The following TSPEAR variants were observed in gnomAD, a reference collection of about 807,000 sequenced individuals.
TSPEAR encodes thrombospondin type laminin G domain and EAR repeats.
Under a neutral mutation model 71.6 loss-of-function variants are expected in TSPEAR, and 69 were observed. The observed-to-expected ratio is 0.96, with a 90% CI of 0.79 to 1.18. The LOEUF is 1.18. Ranked by LOEUF, TSPEAR falls within the 50% of genes most tolerant of loss-of-function variation. The probability of loss-of-function intolerance (pLI) is 0.00; values close to 1 mark genes in which losing one functional copy is unlikely to be tolerated. For missense variants in TSPEAR, 971 were observed against 894.9 expected, an observed-to-expected ratio of 1.09 and a Z score of -1.09; for synonymous variants, 402 against 387.2, an observed-to-expected ratio of 1.04 and a Z score of -0.45.
At chr21:44,706,964 C>T (rs1160706274) in intron 1 of TSPEAR, among the ~76,000 whole-genome samples, 1 of 152,250 alleles carries the variant, frequency 6.6e-6, no homozygotes, top group African/African-American at 2.4e-5. Context: ...CCAACCCCTC[C>T]AAGGACAAAG....
At chr21:44,700,715 A>C (rs1885228627) in intron 1 of TSPEAR, among the ~76,000 whole-genome samples, 1 of 152,158 alleles carries the variant, frequency 6.6e-6, no homozygotes, top group Non-Finnish European at 1.5e-5. Flanking sequence ...CTTCCACCTA[A>C]AGGCATCCCA....
intron 9 of TSPEAR, chr21:44,519,094 T>C (rs1474729449): frequency 1.3e-5 from 2 of 156,406 alleles, no homozygotes; most frequent in Non-Finnish European, 2.8e-5. Context: ...AGTGGCGTGA[T>C]CTCGGCTCAC....
intron 10 of TSPEAR, among the ~76,000 whole-genome samples, chr21:44,505,879 A>C (rs1555911860): frequency 6.6e-6 from 1 of 152,032 alleles, no homozygotes; most frequent in African/African-American, 2.4e-5. Context: ...CGGGGTACAA[A>C]AGTCCACTTT....
rs781987601 is a variant in TSPEAR at position 44,531,093 on chromosome 21, C to T, written c.583G>A (p.Gly195Arg). ...VPFPATLSVKGARFFVGSRRR... is the reference protein window; with the variant it reads ...VPFPATLSVKRARFFVGSRRR... ...CGGCTGCCGACGAAGAATCGAGCTC[C>T]TTTCACTGACAGGGTGGCTGGGAAG... is the stretch of plus-strand genomic sequence containing the variant. The change falls in exon 4 of 12, where the codon GGA (glycine) becomes AGA (arginine). Residue 195 changes from glycine (G) to arginine (R), a missense_variant. Physicochemically the swap from Gly to Arg is moderately radical, Grantham distance 125. Transcript: ENST00000323084. The T allele has an allele frequency of 1.3e-4, 214 of 1,613,718 alleles. No individual in the cohort carries two copies. The highest frequency in any genetic ancestry group is 1.8e-4 in the Non-Finnish European group (209 of 1,179,994).
intron 1 of TSPEAR, among the ~76,000 whole-genome samples, chr21:44,572,535 A>AC (rs1411754018): frequency 4.0e-5 from 6 of 150,674 alleles, no homozygotes; most frequent in African/African-American, 1.2e-4. Context: ...TACCCTCGCC[A>AC]CCCCCCATGC....
At chr21:44,707,016 G>T (rs1987958835) in intron 1 of TSPEAR, among the ~76,000 whole-genome samples, 1 of 152,250 alleles carries the variant, frequency 6.6e-6, no homozygotes, top group Admixed American at 6.5e-5. Context: ...CCCCTGCCCG[G>T]CTTTCCTAGC....
At chr21:44,675,959 C>G in intron 1 of TSPEAR, 1 of 821,286 alleles carries the variant, frequency 1.2e-6, no homozygotes, top group Non-Finnish European at 2.2e-6. Context: ...TAGGGTTATT[C>G]GGGCTTCCTT....
intron 1 of TSPEAR, among the ~76,000 whole-genome samples, chr21:44,668,499 G>A (rs1985900461): frequency 6.6e-6 from 1 of 152,166 alleles, no homozygotes; most frequent in Admixed American, 6.5e-5. Flanking sequence ...TGCAATCCCT[G>A]TCAAAATCCC....
At chr21:44,539,469 G>T (rs1213035395) in intron 2 of TSPEAR, 1 of 1,613,520 alleles carries the variant, frequency 6.2e-7, no homozygotes, top group African/African-American at 1.3e-5. Flanking sequence ...GAGGAGGAGG[G>T]TCTGCAGCAG....
chr21:44,549,906 T>C (rs1361436170), intron 2 of TSPEAR, among the ~76,000 whole-genome samples: 8 of 152,218 alleles, frequency 5.3e-5, no homozygotes, highest in Admixed American at 4.6e-4. Flanking sequence ...AGGGCGCCCC[T>C]GAGCGTATGT....
chr21:44,598,386 T>C (rs1490536462), intron 1 of TSPEAR, among the ~76,000 whole-genome samples: 1 of 152,254 alleles, frequency 6.6e-6, no homozygotes, highest in Non-Finnish European at 1.5e-5. Context: ...TTGTTCTGTG[T>C]GCTCTCGTGG....
At position 44,678,697 on chromosome 21, in the gene TSPEAR, C is replaced by T. The variant is rs149178460; in HGVS notation, c.82+32736G>A. ...GAGGAAGTCAAATTGTCCCTCTTTG[C>T]ACATGACATGATTTTATATTTAGAA... On this transcript the variant is annotated intron_variant, in intron 1 of 11. Coordinates refer to ENST00000323084, the MANE Select transcript of TSPEAR (RefSeq NM_144991.3). 3.9e-3 allele frequency among the ~76,000 whole-genome samples: 596 copies of T among 152,260 alleles called. 2 individuals carry two copies. Among genetic ancestry groups the T allele is most frequent in the African/African-American group, 0.012 (519 of 41,562 alleles).
chr21:44,625,314 C>T (rs76415063), intron 1 of TSPEAR, among the ~76,000 whole-genome samples: 2 of 152,280 alleles, frequency 1.3e-5, no homozygotes, highest in East Asian at 1.9e-4. Context: ...GATGATGGGC[C>T]ACGCACGGTG....
chr21:44,576,974 C>A (rs1394004903), intron 1 of TSPEAR, among the ~76,000 whole-genome samples: 1 of 152,076 alleles, frequency 6.6e-6, no homozygotes, highest in East Asian at 1.9e-4. Context: ...AATTGGAAAT[C>A]ATTAACAGAA....
chr21:44,526,956 G>A (rs1555914991), intron 7 of TSPEAR, among the ~76,000 whole-genome samples: 2 of 152,226 alleles, frequency 1.3e-5, no homozygotes, highest in Non-Finnish European at 2.9e-5. Context: ...ATTTTCTAGT[G>A]TCTTTCTGAA....
chr21:44,658,115 G>T (rs200134575), intron 1 of TSPEAR: 1 of 1,613,504 alleles, frequency 6.2e-7, no homozygotes, highest in East Asian at 2.2e-5. Flanking sequence ...CATTGTGTGC[G>T]TGGCTCCCTC....
At chr21:44,625,646 C>G (rs60859607) in intron 1 of TSPEAR, among the ~76,000 whole-genome samples, 21,800 of 152,164 alleles carry the variant, frequency 0.14, 3,014 homozygotes, top group African/African-American at 0.36. Flanking sequence ...CCGCGGGGAG[C>G]GGCATGGCCT....
At chr21:44,628,006 C>T in intron 1 of TSPEAR, 3 of 1,611,206 alleles carry the variant, frequency 1.9e-6, no homozygotes, top group South Asian at 1.1e-5. Flanking sequence ...GTGCTCCCGC[C>T]CGGCCTGCTA....
chr21:44,662,189 CAG>C (rs1179166276), intron 1 of TSPEAR, among the ~76,000 whole-genome samples: 7 of 152,028 alleles, frequency 4.6e-5, no homozygotes, highest in East Asian at 3.9e-4. Context: ...AACCAAAAAA[CAG>C]AGATTTTTAA....
Sources: gnomAD v4.1 joint callset for allele counts (sites outside exome capture counted in the v4.1 genomes callset) on GRCh38, gnomAD v4.1.1 for gene constraint, MANE v1.5 for transcripts, NCBI Gene and HGNC (gene_info 2026-07-23, HGNC 2026-07-21) for gene names.